The following BRINP3 variants were observed in gnomAD, a reference collection of about 807,000 sequenced individuals.
BRINP3 encodes the protein BMP/retinoic acid-inducible neural-specific protein 3.
BRINP3 carries 19 observed loss-of-function variants against 71.0 expected under a neutral mutation model. That is an observed-to-expected ratio of 0.27 (90% CI 0.19 to 0.39). The LOEUF (loss-of-function observed/expected upper bound fraction) is 0.39. BRINP3 is among the 10% of genes least tolerant of loss of function. The pLI is 1.00. For missense variants in BRINP3, 959 were observed against 940.8 expected (o/e 1.02, Z -0.25); for synonymous variants, 380 against 337.7 (o/e 1.13, Z -1.37).
chr1:190,276,220 T>G (rs564480271), intron 3 of BRINP3, among the ~76,000 whole-genome samples: 25 of 151,666 alleles, frequency 1.6e-4, no homozygotes, highest in Non-Finnish European at 3.0e-4. Flanking sequence ...AGAAATAAAT[T>G]ATTTATGTGT....
chr1:190,339,704 A>G (rs491055), intron 2 of BRINP3, among the ~76,000 whole-genome samples: 86,470 of 151,576 alleles, frequency 0.57, 24,839 homozygotes, highest in Admixed American at 0.69. Flanking sequence ...ATATTAAAAC[A>G]AGCCAAACCC....
intron 6 of BRINP3, among the ~76,000 whole-genome samples, chr1:190,209,710 A>G (rs951081997): frequency 6.6e-6 from 1 of 152,160 alleles, no homozygotes; most frequent in Admixed American, 6.6e-5. Context: ...ATTTCACATA[A>G]TATATCTTGA....
At chr1:190,237,158 C>T (rs1051977172) in intron 4 of BRINP3, among the ~76,000 whole-genome samples, 10 of 151,714 alleles carry the variant, frequency 6.6e-5, no homozygotes, top group East Asian at 1.9e-4. Flanking sequence ...TCTCATCATT[C>T]GCAATATACA....
chr1:190,162,100 A>T (rs1341733109), intron 6 of BRINP3, among the ~76,000 whole-genome samples: 1 of 152,204 alleles, frequency 6.6e-6, no homozygotes, highest in Non-Finnish European at 1.5e-5. Flanking sequence ...AGTACTTTTT[A>T]CAGAAAAAAG....
intron 4 of BRINP3, among the ~76,000 whole-genome samples, chr1:190,259,838 T>A (rs1661019313): frequency 6.6e-6 from 1 of 151,496 alleles, no homozygotes; most frequent in South Asian, 2.1e-4. Context: ...AAGACCAGCT[T>A]GACCAATATG....
At chr1:190,306,575 A>C (rs1665115143) in intron 2 of BRINP3, among the ~76,000 whole-genome samples, 1 of 151,994 alleles carries the variant, frequency 6.6e-6, no homozygotes, top group Admixed American at 6.6e-5. Context: ...GTATAACTTT[A>C]GATAAAATGG....
chr1:190,325,365 T>A (rs750270584), intron 2 of BRINP3, among the ~76,000 whole-genome samples: 1 of 152,006 alleles, frequency 6.6e-6, no homozygotes, highest in Non-Finnish European at 1.5e-5. Context: ...CCTATACTAG[T>A]GATAAATTGA....
At chr1:190,253,919 G>A (rs537352829) in intron 4 of BRINP3, among the ~76,000 whole-genome samples, 3 of 152,166 alleles carry the variant, frequency 2.0e-5, no homozygotes, top group South Asian at 4.1e-4. Context: ...TTAAGTCTTC[G>A]ATTCATCTTG....
At chr1:190,312,095 T>G (rs1270957062) in intron 2 of BRINP3, among the ~76,000 whole-genome samples, 2 of 136,778 alleles carry the variant, frequency 1.5e-5, no homozygotes, top group African/African-American at 5.2e-5. Flanking sequence ...AAGGTCACCT[T>G]GTAGATAAAA....
At chr1:190,137,125 ACT>A (rs1655039541) in intron 7 of BRINP3, among the ~76,000 whole-genome samples, 1 of 151,982 alleles carries the variant, frequency 6.6e-6, no homozygotes, top group Non-Finnish European at 1.5e-5. Flanking sequence ...TTTGAACATG[ACT>A]CTTTTCGAAT....
At chr1:190,247,034 TG>T (rs1659675055) in intron 4 of BRINP3, among the ~76,000 whole-genome samples, 1 of 151,982 alleles carries the variant, frequency 6.6e-6, no homozygotes, top group South Asian at 2.1e-4. Context: ...GTTTAAGCTA[TG>T]AAGAATAACT....
At chr1:190,330,542 T>C (rs1308526504) in intron 2 of BRINP3, among the ~76,000 whole-genome samples, 2 of 152,008 alleles carry the variant, frequency 1.3e-5, no homozygotes, top group Non-Finnish European at 2.9e-5. Flanking sequence ...GGAATGTACA[T>C]TAGTTTAGCC....
At chr1:190,464,491 T>C (rs1362806024) in intron 1 of BRINP3, among the ~76,000 whole-genome samples, 3 of 151,948 alleles carry the variant, frequency 2.0e-5, no homozygotes, top group Non-Finnish European at 4.4e-5. Flanking sequence ...CTGGCAGTTA[T>C]TATGTTTTCG....
At chr1:190,420,267 G>C (rs1572004845) in intron 2 of BRINP3, among the ~76,000 whole-genome samples, 1 of 152,078 alleles carries the variant, frequency 6.6e-6, no homozygotes, top group African/African-American at 2.4e-5. Context: ...TAAACAGTCT[G>C]TGTTACCATC....
At chr1:190,455,909 G>A (rs1000423086) in intron 1 of BRINP3, among the ~76,000 whole-genome samples, 2 of 152,078 alleles carry the variant, frequency 1.3e-5, no homozygotes, top group African/African-American at 4.8e-5. Flanking sequence ...TGCTACACCA[G>A]AAAATTCTAA....
chr1:190,287,516 G>C (rs1287406778), intron 2 of BRINP3, among the ~76,000 whole-genome samples: 1 of 152,002 alleles, frequency 6.6e-6, no homozygotes, highest in Non-Finnish European at 1.5e-5. Flanking sequence ...AAATTTAGCA[G>C]AATGAATCTA....
chr1:190,463,630 T>C (rs1676543114), intron 1 of BRINP3, among the ~76,000 whole-genome samples: 1 of 151,840 alleles, frequency 6.6e-6, no homozygotes, highest in Admixed American at 6.6e-5. Flanking sequence ...CATTTTTGGA[T>C]GTTCATAAAT....
Position 190,237,693 on chromosome 1 carries a change from G to A in BRINP3, c.619-3216C>T, listed in dbSNP as rs186881847. Among the ~76,000 whole-genome samples, 9 of 151,898 alleles carry A rather than the reference G, an allele frequency of 5.9e-5. No individual in the cohort carries two copies. In the East Asian group the frequency reaches 1.5e-3, roughly 26 times the overall value. ...TTTATTCGCAGCACACAAATATCATGGCCTTTACCTTTTCACACTGTATTT... is the reference window on the plus strand; with the variant it reads ...TTTATTCGCAGCACACAAATATCATAGCCTTTACCTTTTCACACTGTATTT... On this transcript the variant is annotated intron_variant, in intron 4 of 7. Coordinates refer to ENST00000367462, the MANE Select transcript of BRINP3 (RefSeq NM_199051.3).
chr1:190,454,348 T>C lies in BRINP3; in HGVS notation c.236+307A>G, dbSNP rs553153561. Among the ~76,000 whole-genome samples, 8 of 152,282 alleles carry C rather than the reference T, an allele frequency of 5.3e-5. No individual in the cohort carries two copies. The South Asian group carries it at 1.7e-3, about 32-fold the overall frequency. On this transcript the variant is annotated intron_variant, in intron 2 of 7. Coordinates refer to ENST00000367462, the MANE Select transcript of BRINP3 (RefSeq NM_199051.3). ...GGAAAAGCAATTTTTTAAATTTCACTTTAAAATTTTGGCTATTTAAAATAA... is the reference window on the plus strand; with the variant it reads ...GGAAAAGCAATTTTTTAAATTTCACCTTAAAATTTTGGCTATTTAAAATAA...
Sources: gnomAD v4.1 joint callset for allele counts (sites outside exome capture counted in the v4.1 genomes callset) on GRCh38, gnomAD v4.1.1 for gene constraint, MANE v1.5 for transcripts, NCBI Gene and HGNC (gene_info 2026-07-23, HGNC 2026-07-21) for gene names.